Variants in CAMTA1 observed in about 807,000 individuals in gnomAD.
The protein encoded by CAMTA1 is calmodulin binding transcription activator 1, also known as calmodulin-binding transcription activator 1.
In CAMTA1, 27 loss-of-function variants were observed where a neutral mutation model predicts 170.9. That is an observed-to-expected ratio of 0.16 (90% CI 0.12 to 0.22). The LOEUF (loss-of-function observed/expected upper bound fraction) is 0.22, where lower values mean the gene tolerates loss of function less well. CAMTA1 is among the 10% of genes least tolerant of loss of function. CAMTA1 has a pLI of 1.00. For missense variants in CAMTA1, 1,619 were observed against 2,217.2 expected, an observed-to-expected ratio of 0.73 and a Z score of 5.42; for synonymous variants, 833 against 891.5, an observed-to-expected ratio of 0.93 and a Z score of 1.17.
intron 3 of CAMTA1, chr1:6,871,907 C>A (rs1668498285): frequency 9.5e-6 from 13 of 1,370,536 alleles, no homozygotes; most frequent in Non-Finnish European, 1.2e-5. Flanking sequence ...AACATTTCAT[C>A]TTTCAAAGTG....
chr1:7,699,993 G>C (rs1443417147), intron 11 of CAMTA1, among the ~76,000 whole-genome samples: 1 of 152,096 alleles, frequency 6.6e-6, no homozygotes, highest in East Asian at 1.9e-4. Flanking sequence ...TTTACTTCTT[G>C]ATGTTGCCCT....
chr1:7,009,041 G>T (rs926213576), intron 3 of CAMTA1, among the ~76,000 whole-genome samples: 1 of 152,178 alleles, frequency 6.6e-6, no homozygotes, highest in Admixed American at 6.5e-5. Flanking sequence ...GAGGGTCAGC[G>T]GCCATGCCCA....
At chr1:7,235,887 C>T (rs936370780) in intron 4 of CAMTA1, among the ~76,000 whole-genome samples, 1 of 152,190 alleles carries the variant, frequency 6.6e-6, no homozygotes, top group African/African-American at 2.4e-5. Context: ...AGGAGCTAAT[C>T]AAATAAAGCA....
At chr1:7,313,351 A>G (rs1326993573) in intron 5 of CAMTA1, among the ~76,000 whole-genome samples, 2 of 152,134 alleles carry the variant, frequency 1.3e-5, no homozygotes, top group Non-Finnish European at 2.9e-5. Flanking sequence ...CTGCCAGTCT[A>G]TGAATCCTGT....
Position 7,680,843 on chromosome 1 carries a change from C to G in CAMTA1, c.2914+3110C>G, listed in dbSNP as rs1212682053. Among the ~76,000 whole-genome samples the G allele has an allele frequency of 2.7e-5, 3 of 112,078 alleles. No homozygotes were observed. The highest frequency in any genetic ancestry group is 6.0e-5 in the Non-Finnish European group (3 of 49,942). The allele number at this position is 112,078 out of a possible 152,430, so 73.5% of individuals were successfully genotyped here. ...GCGTGGGTCCGGGGCGCAGAGAACA[C>G]GCGCGCGCGCGCGCGCGCCAGCAGC... On this transcript the variant is annotated intron_variant, in intron 11 of 22. Coordinates refer to ENST00000303635, the MANE Select transcript of CAMTA1 (RefSeq NM_015215.4). The surrounding 1 kb of genome is among the most constrained non-coding windows in gnomAD (Gnocchi z 4.4).
intron 5 of CAMTA1, among the ~76,000 whole-genome samples, chr1:7,321,210 G>T (rs1678366456): frequency 6.6e-6 from 1 of 152,228 alleles, no homozygotes; most frequent in East Asian, 1.9e-4. Flanking sequence ...ACTGTCATCA[G>T]CCTCCCAGGC....
intron 1 of CAMTA1, among the ~76,000 whole-genome samples, chr1:6,817,329 T>C (rs1645945134): frequency 6.6e-6 from 1 of 152,208 alleles, no homozygotes; most frequent in African/African-American, 2.4e-5. Flanking sequence ...ACATTATTTT[T>C]AACATCGTAA....
rs575361463 is a variant in CAMTA1, at chr1:7,285,378, G to A, written c.438+35752G>A. Among the ~76,000 whole-genome samples the A allele has an allele frequency of 1.2e-4, 18 of 152,266 alleles. No individual in the cohort carries two copies. The South Asian group carries it at 2.7e-3, about 23-fold the overall frequency. On this transcript the variant is annotated intron_variant, in intron 5 of 22. Coordinates refer to ENST00000303635, the MANE Select transcript of CAMTA1 (RefSeq NM_015215.4). ...TGGTGGGTGGCGCTGATGCACCTTC[G>A]GGAAGTTCTGCGACGTGCAAGCTGA...
chr1:7,498,867 CATGA>C (rs2093898189), intron 6 of CAMTA1, among the ~76,000 whole-genome samples: 1 of 124,716 alleles, frequency 8.0e-6, no homozygotes, highest in African/African-American at 3.2e-5. Flanking sequence ...TGTGTGTGTG[CATGA>C]GTGAGTGTGT....
chr1:7,630,475 C>T (rs2095661885), intron 6 of CAMTA1, among the ~76,000 whole-genome samples: 1 of 152,222 alleles, frequency 6.6e-6, no homozygotes, highest in African/African-American at 2.4e-5. Flanking sequence ...GAACCCCGCA[C>T]CAGGTGGAAA....
intron 5 of CAMTA1, among the ~76,000 whole-genome samples, chr1:7,263,802 A>G (rs1238964110): frequency 6.6e-6 from 1 of 152,254 alleles, no homozygotes; most frequent in Non-Finnish European, 1.5e-5. Flanking sequence ...GCTAGCAAGC[A>G]TGATCGAAGC....
chr1:6,849,866 C>T (rs1659700984), intron 3 of CAMTA1, among the ~76,000 whole-genome samples: 2 of 146,460 alleles, frequency 1.4e-5, no homozygotes, highest in Admixed American at 6.7e-5. Flanking sequence ...AAAACCCCGT[C>T]TCTACTAAAA....
chr1:7,707,498 C>G (rs1558182513), intron 11 of CAMTA1, among the ~76,000 whole-genome samples: 1 of 152,086 alleles, frequency 6.6e-6, no homozygotes, highest in Non-Finnish European at 1.5e-5. Flanking sequence ...ACCTCAGTCT[C>G]CTGGGTAGCT....
At chr1:6,902,075 A>AG (rs1557793640) in intron 3 of CAMTA1, among the ~76,000 whole-genome samples, 16 of 83,656 alleles carry the variant, frequency 1.9e-4, no homozygotes, top group African/African-American at 5.4e-4. Context: ...ACACACACAA[A>AG]AAAAAAAATA....
intron 6 of CAMTA1, among the ~76,000 whole-genome samples, chr1:7,538,420 C>T (rs899124230): frequency 7.9e-5 from 12 of 152,076 alleles, no homozygotes; most frequent in African/African-American, 2.7e-4. Context: ...GGGGCCACAG[C>T]GGGGGGATCA....
chr1:7,583,872 G>C (rs549640845), intron 6 of CAMTA1, among the ~76,000 whole-genome samples: 16 of 152,240 alleles, frequency 1.1e-4, no homozygotes, highest in African/African-American at 3.6e-4. Flanking sequence ...CTCACCCTAG[G>C]GATCAATAGT....
At chr1:6,952,152 C>G (rs368865329) in intron 3 of CAMTA1, among the ~76,000 whole-genome samples, 1 of 152,078 alleles carries the variant, frequency 6.6e-6, no homozygotes, top group Non-Finnish European at 1.5e-5. Flanking sequence ...TAACATAGGC[C>G]GGGCACGGTG....
intron 11 of CAMTA1, among the ~76,000 whole-genome samples, chr1:7,722,355 A>C (rs1232106659): frequency 6.6e-6 from 1 of 152,244 alleles, no homozygotes; most frequent in Admixed American, 6.5e-5. Context: ...AAGATGTCCC[A>C]TGACTGTGCT....
At chr1:7,365,617 C>A (rs1226032287) in intron 5 of CAMTA1, among the ~76,000 whole-genome samples, 1 of 152,170 alleles carries the variant, frequency 6.6e-6, no homozygotes, top group African/African-American at 2.4e-5. Context: ...TCCTCCTGGA[C>A]CCCCTTCTTG....
Sources: allele counts gnomAD v4.1 joint callset (sites outside exome capture counted in the v4.1 genomes callset), GRCh38; gene constraint gnomAD v4.1.1; non-coding constraint Gnocchi (gnomAD v3.1); transcripts MANE v1.5; gene names NCBI Gene and HGNC (gene_info 2026-07-23, HGNC 2026-07-21).